PLAGL1: variants seen among roughly 807,000 people sequenced by gnomAD.
PLAGL1 encodes PLAG1 like zinc finger 1, also known as zinc finger protein PLAGL1.
A neutral mutation model predicts 4.6 loss-of-function variants in PLAGL1; 1 was observed. The observed-to-expected ratio is 0.22, with a 90% CI of 0.08 to 1.03. The LOEUF is 1.03. Ranked by LOEUF, PLAGL1 falls within the 50% of genes least tolerant of loss-of-function variation. The pLI, the probability that PLAGL1 is intolerant of heterozygous loss-of-function variation, is 0.58. For missense variants in PLAGL1, 464 were observed against 570.4 expected, an observed-to-expected ratio of 0.81 and a Z score of 1.90; for synonymous variants, 240 against 237.8, an observed-to-expected ratio of 1.01 and a Z score of -0.08.
In PLAGL1 at chr6:144,005,810, C is replaced by CAT. The variant is rs1052839223; in HGVS notation, c.-584+2278_-584+2279dup. ...ATAAAATATAATAAAATATTAAAGTCATATGAGGCTATTGAGCACTAAAAA... is the reference window on the plus strand; with the variant it reads ...ATAAAATATAATAAAATATTAAAGTCATATATGAGGCTATTGAGCACTAAAAA... On this transcript the variant is annotated intron_variant, in intron 1 of 7. Coordinates refer to ENST00000674357, the MANE Select transcript of PLAGL1 (RefSeq NM_001317162.2). The surrounding 1 kb of genome is among the most constrained non-coding windows in gnomAD (Gnocchi z 4.6). The CAT allele has an allele frequency of 1.3e-5, 2 of 151,656 alleles. No homozygotes were observed. The highest frequency in any genetic ancestry group is 2.9e-5 in the Non-Finnish European group (2 of 67,910). 9.4% of individuals were successfully genotyped at this position (151,656 alleles called of 1,614,324 possible).
intron 1 of PLAGL1, among the ~76,000 whole-genome samples, chr6:143,993,331 A>ACACACAC (rs1790910195): frequency 7.0e-6 from 1 of 142,234 alleles, no homozygotes; most frequent in Non-Finnish European, 1.5e-5. Context: ...AACAAAACAA[A>ACACACAC]ACACACACAC....
At position 144,064,099 on chromosome 6, in the gene PLAGL1, C is replaced by A. The variant is rs1799643692; in HGVS notation, c.-151+369G>T. ...CGGGAGGCGGCGACCTGCCTCCGCG[C>A]GGGGACAGTGGCCGGCGGGGCGGGC... On this transcript the variant is annotated intron_variant, in intron 1 of 3. Coordinates refer to the PLAGL1 transcript ENST00000437412. This position sits in a 1 kb window ranked among gnomAD's most constrained non-coding sequence, Gnocchi z 6.8. 6.6e-6 allele frequency among the ~76,000 whole-genome samples: 1 copy of A among 152,180 alleles called. No individual in the cohort carries two copies. The highest frequency in any genetic ancestry group is 6.5e-5 in the Admixed American group (1 of 15,282).
chr6:143,988,423 A>G (rs1012322002), intron 1 of PLAGL1, among the ~76,000 whole-genome samples: 2 of 152,234 alleles, frequency 1.3e-5, no homozygotes, highest in East Asian at 3.9e-4. Context: ...AGTTAATGGT[A>G]GGTTGGCTCC....
At chr6:144,019,401 G>A (rs967744028) in intron 1 of PLAGL1, among the ~76,000 whole-genome samples, 1 of 152,186 alleles carries the variant, frequency 6.6e-6, no homozygotes, top group African/African-American at 2.4e-5. Flanking sequence ...AAACCTGGGA[G>A]GCGGAGGTTG....
chr6:143,985,647 C>CTAGT lies in PLAGL1; in HGVS notation c.-583-474_-583-473insACTA, dbSNP rs150928417. Among the ~76,000 whole-genome samples, 2,703 of 151,996 alleles carry CTAGT rather than the reference C, an allele frequency of 0.018. 77 individuals carry two copies. Among genetic ancestry groups the CTAGT allele is most frequent in the East Asian group, 0.13 (651 of 5,174 alleles). ...TGTCTACTACTACTACTACTACTTC[C>CTAGT]TATATGTCAAATCTTGAATGAATAC... is the stretch of plus-strand genomic sequence containing the variant. On this transcript the variant is annotated intron_variant, in intron 1 of 7. Transcript: ENST00000674357. This position sits in a 1 kb window ranked among gnomAD's most constrained non-coding sequence, Gnocchi z 4.4.
chr6:143,999,221 G>C (rs2128651089), intron 1 of PLAGL1, among the ~76,000 whole-genome samples: 1 of 152,214 alleles, frequency 6.6e-6, no homozygotes, highest in Non-Finnish European at 1.5e-5. Context: ...TAAAAAAAAT[G>C]ATCACTGAGT....
rs184148253 is a variant in PLAGL1, at chr6:143,958,988, G to A, written c.-325+1481C>T. On this transcript the variant is annotated intron_variant, in intron 6 of 7. Coordinates refer to ENST00000674357, the MANE Select transcript of PLAGL1 (RefSeq NM_001317162.2). The surrounding 1 kb of genome is among the most constrained non-coding windows in gnomAD (Gnocchi z 5.1). ...CCATTACAATCATACCCAGTTCAATGGGGGAGGAATGTGAACTCTCTGAGT... is the reference window on the plus strand; with the variant it reads ...CCATTACAATCATACCCAGTTCAATAGGGGAGGAATGTGAACTCTCTGAGT... 6.6e-6 allele frequency among the ~76,000 whole-genome samples: 1 copy of A among 152,266 alleles called. No homozygotes were observed. The highest frequency in any genetic ancestry group is 2.4e-5 in the African/African-American group (1 of 41,536).
intron 1 of PLAGL1, among the ~76,000 whole-genome samples, chr6:144,051,713 G>A (rs1343004117): frequency 6.6e-6 from 1 of 152,204 alleles, no homozygotes; most frequent in Admixed American, 6.5e-5. Flanking sequence ...GGTAGAAAAC[G>A]AGGAGGAGCA....
rs140567762 is a variant in PLAGL1, at chr6:144,022,502, T to C, written c.-151+41966A>G. Among the ~76,000 whole-genome samples, 12 of 152,374 alleles carry C rather than the reference T, an allele frequency of 7.9e-5. No homozygotes were observed. The highest frequency in any genetic ancestry group is 2.4e-4 in the African/African-American group (10 of 41,596). ...TTTATTACAAAGCTAAACATAGTGATATGGTTTGGCTATTTCCCTACCCAA... is the reference window on the plus strand; with the variant it reads ...TTTATTACAAAGCTAAACATAGTGACATGGTTTGGCTATTTCCCTACCCAA... On this transcript the variant is annotated intron_variant, in intron 1 of 3. Transcript: ENST00000437412. This position sits in a 1 kb window ranked among gnomAD's most constrained non-coding sequence, Gnocchi z 4.2.
chr6:143,982,483 C>G lies in PLAGL1; in HGVS notation c.-544+2652G>C, dbSNP rs1788175746. Among the ~76,000 whole-genome samples, 1 of 152,118 alleles carries G rather than the reference C, an allele frequency of 6.6e-6. No homozygotes were observed. Among genetic ancestry groups the G allele is most frequent in the East Asian group, 1.9e-4 (1 of 5,196 alleles). ...AGCGAGATGGGAAGGACTGGAGACA[C>G]TGGAGCAGAAAAGTAACACGATCAG... is the stretch of plus-strand genomic sequence containing the variant. On this transcript the variant is annotated intron_variant, in intron 2 of 7. Transcript: ENST00000674357. This position sits in a 1 kb window ranked among gnomAD's most constrained non-coding sequence, Gnocchi z 5.3.
chr6:144,040,346 T>C (rs1451730280), intron 1 of PLAGL1, among the ~76,000 whole-genome samples: 3 of 150,370 alleles, frequency 2.0e-5, no homozygotes, highest in African/African-American at 7.4e-5. Context: ...CTGGGCAACA[T>C]AGTGAAATCC....
chr6:144,008,574 G>A (rs934043018), upstream of PLAGL1, among the ~76,000 whole-genome samples: 7 of 152,164 alleles, frequency 4.6e-5, no homozygotes, highest in African/African-American at 1.7e-4. The surrounding 1 kb of genome is among the most constrained non-coding windows in gnomAD (Gnocchi z 6.9). Flanking sequence ...CAAAGCCAAG[G>A]TCGCCCAGGT....
chr6:144,051,768 C>T (rs1798600753), intron 1 of PLAGL1, among the ~76,000 whole-genome samples: 1 of 152,166 alleles, frequency 6.6e-6, no homozygotes, highest in Non-Finnish European at 1.5e-5. Flanking sequence ...AGAGCTTGTG[C>T]AGGGGAACTC....
rs1427621523 is a variant in PLAGL1 at position 143,966,743 on chromosome 6, T to C, written c.-471-545A>G. 3.3e-5 allele frequency: 5 copies of C among 152,214 alleles called. No individual in the cohort carries two copies. The highest frequency in any genetic ancestry group is 1.2e-4 in the African/African-American group (5 of 41,442). 9.4% of individuals were successfully genotyped at this position (152,214 alleles called of 1,614,324 possible). ...TATAAGCATGCATAATTTCTAGCAT[T>C]TTAAACATTGATAGAGAAATTATTT... is the stretch of plus-strand genomic sequence containing the variant. On this transcript the variant is annotated intron_variant, in intron 3 of 7. Transcript: ENST00000674357. The surrounding 1 kb of genome is among the most constrained non-coding windows in gnomAD (Gnocchi z 6.0).
chr6:144,003,230 C>T (rs1314359601), intron 1 of PLAGL1, among the ~76,000 whole-genome samples: 3 of 151,768 alleles, frequency 2.0e-5, no homozygotes, highest in East Asian at 1.9e-4. Context: ...AATCTTGATC[C>T]CCCCCTCACA....
In PLAGL1 at chr6:143,985,095, T is replaced by G. The variant is rs1163909782; in HGVS notation, c.-544+40A>C. 1 of 152,152 alleles carries G rather than the reference T, an allele frequency of 6.6e-6. No homozygotes were observed. The highest frequency in any genetic ancestry group is 2.4e-5 in the African/African-American group (1 of 41,446). 9.4% of individuals were successfully genotyped at this position (152,152 alleles called of 1,614,324 possible). ...TCAAGTTATTAGAGAAGACAAGGTA[T>G]TGGGGGAAGAGGATAAAAGAAACTG... On this transcript the variant is annotated intron_variant, in intron 2 of 7. Transcript: ENST00000674357. This position sits in a 1 kb window ranked among gnomAD's most constrained non-coding sequence, Gnocchi z 4.4.
At chr6:144,030,810 G>A (rs1247420248) in intron 1 of PLAGL1, among the ~76,000 whole-genome samples, 1 of 152,200 alleles carries the variant, frequency 6.6e-6, no homozygotes, top group African/African-American at 2.4e-5. Flanking sequence ...GAGTGTGCAA[G>A]TATCTTTATC....
In PLAGL1 at chr6:143,960,235, T is replaced by C. The variant is rs2128554450; in HGVS notation, c.-325+234A>G. On this transcript the variant is annotated intron_variant, in intron 6 of 7. Coordinates refer to ENST00000674357, the MANE Select transcript of PLAGL1 (RefSeq NM_001317162.2). This position sits in a 1 kb window ranked among gnomAD's most constrained non-coding sequence, Gnocchi z 5.7. ...TGGGACAGCAGAGGTCATGAAAAGT[T>C]GCTAACTGCATCATCCAATTCCCTG... Among the ~76,000 whole-genome samples the C allele has an allele frequency of 6.6e-6, 1 of 152,312 alleles. No homozygotes were observed. Among genetic ancestry groups the C allele is most frequent in the East Asian group, 1.9e-4 (1 of 5,194 alleles).
At position 143,945,149 on chromosome 6, in the gene PLAGL1, C is replaced by A. The variant is rs1212329136; in HGVS notation, c.153-2486G>T. On this transcript the variant is annotated intron_variant, in intron 7 of 7. Transcript: ENST00000674357. The surrounding 1 kb of genome is among the most constrained non-coding windows in gnomAD (Gnocchi z 4.2). ...CCCTTACTTACTCAACAATCCTGAT[C>A]TAGAACATTCTCATCCTATAGCTGA... is the stretch of plus-strand genomic sequence containing the variant. Among the ~76,000 whole-genome samples the A allele has an allele frequency of 6.6e-6, 1 of 152,202 alleles. No individual in the cohort carries two copies. The highest frequency in any genetic ancestry group is 1.5e-5 in the Non-Finnish European group (1 of 68,042).
Sources: gnomAD v4.1 joint callset for allele counts (sites outside exome capture counted in the v4.1 genomes callset) on GRCh38, gnomAD v4.1.1 for gene constraint, Gnocchi (gnomAD v3.1) non-coding constraint, MANE v1.5 for transcripts, NCBI Gene and HGNC (gene_info 2026-07-23, HGNC 2026-07-21) for gene names.